Variants in TRAPPC11 observed in about 807,000 individuals in gnomAD.
TRAPPC11 encodes the protein foie gras homolog.
In TRAPPC11, 104 loss-of-function variants were observed where a neutral mutation model predicts 151.2. The ratio of observed to expected loss-of-function variants is 0.69; its 90% confidence interval spans 0.59 to 0.81. The LOEUF (loss-of-function observed/expected upper bound fraction) is 0.81, where lower values mean the gene tolerates loss of function less well. Among genes scored for constraint, TRAPPC11 ranks in the 30% least tolerant of loss-of-function variants. TRAPPC11 has a pLI of 0.00. For synonymous variants in TRAPPC11, 456 were observed against 472.3 expected (o/e 0.97, Z 0.45); for missense variants, 1,230 against 1,349.6 (o/e 0.91, Z 1.39).
At chr4:183,682,475 A>G (rs1735747348) in intron 10 of TRAPPC11, among the ~76,000 whole-genome samples, 1 of 152,226 alleles carries the variant, frequency 6.6e-6, no homozygotes, top group Non-Finnish European at 1.5e-5. Context: ...TATTAGAGCA[A>G]AGATTAAAAA....
intron 18 of TRAPPC11, among the ~76,000 whole-genome samples, chr4:183,690,240 G>A (rs1369644701): frequency 6.6e-6 from 1 of 151,458 alleles, no homozygotes. Flanking sequence ...AAAAAAAGTA[G>A]AGTAGTTTTT....
chr4:183,707,017 A>G (rs1737107853), intron 28 of TRAPPC11, 77 bp downstream of exon 28: 6 of 1,532,824 alleles, frequency 3.9e-6, no homozygotes, highest in African/African-American at 1.4e-5. Context: ...TTTAGTTTTT[A>G]TGAATGAACT....
Position 183,666,281 on chromosome 4 carries a change from C to T in TRAPPC11, c.229C>T (p.Pro77Ser), listed in dbSNP as rs149339392. ...GAGAACTTCATATGAGTGGTACATT[C>T]CTAAAGGGATCTTAAAGACTGGCTG... ...PKRTSYEWYIPKGILKTGWMN... is the reference protein window; with the variant it reads ...PKRTSYEWYISKGILKTGWMN... Residue 77 changes from proline to serine, a missense_variant, in exon 3 of 30, where the codon CCT (proline) becomes TCT (serine). By Grantham distance (74) the Pro-to-Ser change is moderately conservative. Coordinates refer to ENST00000334690, the MANE Select transcript of TRAPPC11 (RefSeq NM_021942.6). The T allele has an allele frequency of 3.1e-6, 5 of 1,613,944 alleles. No individual in the cohort carries two copies. The highest frequency in any genetic ancestry group is 1.7e-5 in the Admixed American group (1 of 59,996).
rs148884652 is a variant in TRAPPC11, at chr4:183,664,114, CTA to C, written c.204+45_204+46del. On this transcript the variant is annotated intron_variant, in intron 2 of 29. Transcript: ENST00000334690. ...GCATGTGTTCTTTCCTTCTCTCTCT[CTA>C]TGTGTGTGTGTGTGTCTTTTTTGTT... is the stretch of plus-strand genomic sequence containing the variant. 209,687 of 1,486,542 alleles carry C rather than the reference CTA, an allele frequency of 0.14. 15,176 individuals carry two copies. Among genetic ancestry groups the C allele is most frequent in the Non-Finnish European group, 0.15 (165,965 of 1,072,082 alleles). 92.1% of individuals were successfully genotyped at this position (1,486,542 alleles called of 1,614,324 possible).
In TRAPPC11 at chr4:183,684,154, A is replaced by G; in HGVS notation, c.1297A>G (p.Ile433Val). 6.2e-7 allele frequency: 1 copy of G among 1,613,828 alleles called. No individual in the cohort carries two copies. ...ERNVVHSEII[I>V]TLLSNAVAQF... ...CTACTTTTTCTAATAGGAGATAATC[A>G]TAACTCTTCTGAGCAATGCTGTTGC... is the stretch of plus-strand genomic sequence containing the variant. The change falls in exon 13 of 30, where the codon ATA (isoleucine) becomes GTA (valine). Residue 433 changes from isoleucine (I) to valine (V), a missense_variant. Transcript: ENST00000334690.
intron 18 of TRAPPC11, among the ~76,000 whole-genome samples, chr4:183,690,397 C>T (rs566767484): frequency 6.6e-6 from 1 of 152,194 alleles, no homozygotes; most frequent in South Asian, 2.1e-4. Flanking sequence ...AATAGTGATT[C>T]CATAGATAGA....
At position 183,684,328 on chromosome 4, in the gene TRAPPC11, T is replaced by C. The variant is rs781695972; in HGVS notation, c.1390T>C (p.Tyr464His). ...AGTGGTTCAGATGGGAGAGGAATAT[T>C]ATTACGCAAAGGATTATACCAAAGC... The part of the protein sequence containing the change: ...HLMVQMGEEY[Y>H]YAKDYTKALK... The change falls in exon 14 of 30, where the codon TAT (tyrosine) becomes CAT (histidine). Residue 464 changes from tyrosine to histidine, a missense_variant. Tyr to His is a moderately conservative substitution (Grantham distance 83). Coordinates refer to ENST00000334690, the MANE Select transcript of TRAPPC11 (RefSeq NM_021942.6). 2 of 1,613,812 alleles carry C rather than the reference T, an allele frequency of 1.2e-6. No individual in the cohort carries two copies. Among genetic ancestry groups the C allele is most frequent in the Admixed American group, 3.3e-5 (2 of 60,022 alleles).
intron 28 of TRAPPC11, 27 bp from the exon 29 acceptor site, chr4:183,708,380 C>T (rs1737182017): frequency 6.2e-7 from 1 of 1,602,932 alleles, no homozygotes; most frequent in South Asian, 1.1e-5. Context: ...ATTTGATTAT[C>T]TTTCTCTGTG....
At chr4:183,678,589 C>T (rs1354876130) in intron 8 of TRAPPC11, among the ~76,000 whole-genome samples, 1 of 152,070 alleles carries the variant, frequency 6.6e-6, no homozygotes, top group Non-Finnish European at 1.5e-5. Context: ...CACAGATTAG[C>T]ATATTTAGTG....
At chr4:183,666,473 G>C in intron 3 of TRAPPC11, 47 bp downstream of exon 3, 1 of 1,579,074 alleles carries the variant, frequency 6.3e-7, no homozygotes. Context: ...GCACATGTGT[G>C]TTATTCACTA....
intron 18 of TRAPPC11, among the ~76,000 whole-genome samples, chr4:183,689,475 T>C (rs567660065): frequency 3.3e-5 from 5 of 152,274 alleles, no homozygotes; most frequent in African/African-American, 1.2e-4. Flanking sequence ...TTGGTAGTAC[T>C]AATCACACTG....
In TRAPPC11 at chr4:183,694,373, A is replaced by G. The variant is rs532883502; in HGVS notation, c.2509-231A>G. Reference sequence around the variant, plus strand: ...TGGAAGTTAAAGAACAATAATTTCTAAAAGATGCAGTAGTAATGATCCCAC... The same window carrying G: ...TGGAAGTTAAAGAACAATAATTTCTGAAAGATGCAGTAGTAATGATCCCAC... On this transcript the variant is annotated intron_variant, in intron 22 of 29. Coordinates refer to ENST00000334690, the MANE Select transcript of TRAPPC11 (RefSeq NM_021942.6). 2.9e-4 allele frequency among the ~76,000 whole-genome samples: 44 copies of G among 152,318 alleles called. 1 individual carries two copies. Among genetic ancestry groups the G allele is most frequent in the Non-Finnish European group, 1.2e-4 (8 of 68,012 alleles).
intron 1 of TRAPPC11, among the ~76,000 whole-genome samples, chr4:183,661,496 C>A (rs140427606): frequency 6.6e-6 from 1 of 150,708 alleles, no homozygotes; most frequent in African/African-American, 2.4e-5. Flanking sequence ...CTCAGCCTCC[C>A]GAGTAGCTGG....
Position 183,663,885 on chromosome 4 carries a change from G to A in TRAPPC11, c.18G>A (p.Trp6Ter). MSPTQ[W>*]DFPVELCCRP... is the part of the protein sequence containing the mutation. ...TCGTAAACATGAGCCCCACACAGTG[G>A]GACTTCCCTGTGGAATTATGTTGCC... is the stretch of plus-strand genomic sequence containing the variant. The change falls in exon 2 of 30, where the codon TGG becomes TGA. Residue 6 changes from tryptophan (W) to a stop codon, truncating the protein, a stop_gained. Transcript: ENST00000334690. LOFTEE classifies it high-confidence loss of function. The A allele has an allele frequency of 6.2e-6, 10 of 1,613,914 alleles. No homozygotes were observed. Among genetic ancestry groups the A allele is most frequent in the Non-Finnish European group, 8.5e-6 (10 of 1,179,866 alleles).
intron 27 of TRAPPC11, 115 bp downstream of exon 27, chr4:183,705,185 AAGTAGCTTATGGCCAGT>A (rs1406465983): frequency 2.9e-6 from 2 of 697,194 alleles, no homozygotes; most frequent in African/African-American, 3.5e-5. Flanking sequence ...GCATTTGTAA[AAGTAGCTTATGGCCAGT>A]CTTGCTTCCT....
In TRAPPC11 at chr4:183,697,841, T is replaced by A; in HGVS notation, c.2851+6T>A. 6.2e-7 allele frequency: 1 copy of A among 1,611,496 alleles called. No homozygotes were observed. The highest frequency in any genetic ancestry group is 1.1e-5 in the South Asian group (1 of 90,938). On this transcript the variant is annotated splice_donor_region_variant and intron_variant, in intron 25 of 29. Transcript: ENST00000334690. ...CGAGTCTCAAGTGGACAATGGTGAGTCTGGTTCATTCCCACTTAAAGACCA... is the reference window on the plus strand; with the variant it reads ...CGAGTCTCAAGTGGACAATGGTGAGACTGGTTCATTCCCACTTAAAGACCA...
intron 19 of TRAPPC11, 136 bp downstream of exon 19, chr4:183,691,607 A>G (rs1052989027): frequency 1.2e-5 from 6 of 497,968 alleles, no homozygotes; most frequent in Non-Finnish European, 1.9e-5. Context: ...ACCATTCATA[A>G]TAGTTTGGGA....
rs1460369271 is a variant in TRAPPC11 at position 183,701,816 on chromosome 4, T to G, written c.2963+8T>G. On this transcript the variant is annotated splice_region_variant and intron_variant, in intron 26 of 29. Transcript: ENST00000334690. Reference sequence around the variant, plus strand: ...TATTATCTCTTGGAAAAGGTAAGAATTATGTCAATCCTGTCTTTTCTTCAA... The same window carrying G: ...TATTATCTCTTGGAAAAGGTAAGAAGTATGTCAATCCTGTCTTTTCTTCAA... 2.0e-6 allele frequency: 3 copies of G among 1,529,260 alleles called. No homozygotes were observed. The highest frequency in any genetic ancestry group is 2.7e-6 in the Non-Finnish European group (3 of 1,102,904). The allele number at this position is 1,529,260 out of a possible 1,614,324, so 94.7% of individuals were successfully genotyped here. A position where few individuals can be genotyped will look rare whatever the true frequency, so the allele number is the denominator to read the frequency against.
intron 25 of TRAPPC11, among the ~76,000 whole-genome samples, chr4:183,699,175 A>G (rs1014320291): frequency 1.3e-5 from 2 of 152,148 alleles, no homozygotes; most frequent in Admixed American, 1.3e-4. Flanking sequence ...AACCAAGACA[A>G]ACTTAGGGCA....
Sources: gnomAD v4.1 joint callset for allele counts (sites outside exome capture counted in the v4.1 genomes callset) on GRCh38, gnomAD v4.1.1 for gene constraint, MANE v1.5 for transcripts, NCBI Gene and HGNC (gene_info 2026-07-23, HGNC 2026-07-21) for gene names.